FAM228B: variants seen among roughly 807,000 people sequenced by gnomAD.
The protein encoded by FAM228B is family with sequence similarity 228 member B.
A neutral mutation model predicts 42.6 loss-of-function variants in FAM228B; 38 were observed. That is an observed-to-expected ratio of 0.89 (90% confidence interval 0.69 to 1.17). The LOEUF (loss-of-function observed/expected upper bound fraction) is 1.17. Among genes scored for constraint, FAM228B ranks in the 50% most tolerant of loss-of-function variants. FAM228B has a pLI of 0.00. For missense variants in FAM228B, 344 were observed against 367.3 expected (o/e 0.94, Z 0.52); for synonymous variants, 109 against 122.3 (o/e 0.89, Z 0.72).
At chr2:24,094,029 C>CTTTT (rs57620033) in intron 2 of FAM228B, among the ~76,000 whole-genome samples, 3 of 77,396 alleles carry the variant, frequency 3.9e-5, no homozygotes, top group African/African-American at 5.0e-5. Flanking sequence ...TCGCCACATA[C>CTTTT]TTTTTTTTTT....
intron 7 of FAM228B, among the ~76,000 whole-genome samples, chr2:24,156,350 T>C (rs1180557136): frequency 6.6e-6 from 1 of 152,112 alleles, no homozygotes; most frequent in African/African-American, 2.4e-5. Context: ...TTGCCCCTTC[T>C]GGCCAGGCGT....
intron 3 of FAM228B, among the ~76,000 whole-genome samples, chr2:24,135,691 G>A (rs1666564651): frequency 6.6e-6 from 1 of 152,166 alleles, no homozygotes; most frequent in Admixed American, 6.5e-5. Context: ...GGGAATGGCT[G>A]AAGTGTGCTA....
At chr2:24,133,760 TTGAC>T (rs547445970) in intron 2 of FAM228B, among the ~76,000 whole-genome samples, 25 of 152,264 alleles carry the variant, frequency 1.6e-4, no homozygotes, top group Admixed American at 1.5e-3. Flanking sequence ...AAAATAGGAT[TTGAC>T]TGGGCATGAT....
chr2:24,081,106 A>T, intron 2 of FAM228B: 1 of 1,234,984 alleles, frequency 8.1e-7, no homozygotes, highest in South Asian at 1.6e-5. Context: ...TTCTATCAAG[A>T]TCACCTGGCC....
intron 3 of FAM228B, among the ~76,000 whole-genome samples, chr2:24,135,890 T>C (rs1666568720): frequency 6.6e-6 from 1 of 151,774 alleles, no homozygotes; most frequent in Admixed American, 6.6e-5. Context: ...CTTTGCAGGC[T>C]ACTTGCCACT....
intron 2 of FAM228B, among the ~76,000 whole-genome samples, chr2:24,088,751 C>T (rs541770165): frequency 6.6e-6 from 1 of 152,320 alleles, no homozygotes; most frequent in Admixed American, 6.5e-5. Context: ...TCATGAGAAT[C>T]CCTGATTTAT....
At chr2:24,130,382 G>A (rs1197862671) in intron 2 of FAM228B, among the ~76,000 whole-genome samples, 2 of 152,138 alleles carry the variant, frequency 1.3e-5, no homozygotes, top group African/African-American at 2.4e-5. Flanking sequence ...TTGAGGAATC[G>A]CCACACTGTC....
At chr2:24,091,519 A>G (rs1401864816) in intron 2 of FAM228B, among the ~76,000 whole-genome samples, 1 of 152,254 alleles carries the variant, frequency 6.6e-6, no homozygotes, top group African/African-American at 2.4e-5. Context: ...TTTGTTTGAG[A>G]TAATGAGATA....
chr2:24,112,890 T>C (rs1665820954), intron 3 of FAM228B, among the ~76,000 whole-genome samples: 1 of 152,182 alleles, frequency 6.6e-6, no homozygotes, highest in Non-Finnish European at 1.5e-5. Flanking sequence ...ACTCTGTGCC[T>C]TGGCATTTGG....
chr2:24,126,130 T>G (rs1193875239), intron 2 of FAM228B, among the ~76,000 whole-genome samples: 3 of 152,226 alleles, frequency 2.0e-5, no homozygotes, highest in African/African-American at 7.2e-5. Flanking sequence ...GTTATGAACA[T>G]TCATGTGTGT....
At chr2:24,092,176 A>G (rs1007531824) in intron 2 of FAM228B, among the ~76,000 whole-genome samples, 2 of 143,018 alleles carry the variant, frequency 1.4e-5, no homozygotes, top group African/African-American at 2.6e-5. Context: ...CATTGATCAT[A>G]CCACTGCACT....
intron 2 of FAM228B, among the ~76,000 whole-genome samples, chr2:24,132,345 A>G (rs971224695): frequency 2.8e-4 from 43 of 152,094 alleles, no homozygotes; most frequent in Admixed American, 7.9e-4. Flanking sequence ...GCCTCATACA[A>G]TGAGTTAGGG....
At chr2:24,106,685 T>C (rs1185672407) in intron 3 of FAM228B, among the ~76,000 whole-genome samples, 1 of 152,114 alleles carries the variant, frequency 6.6e-6, no homozygotes, top group Non-Finnish European at 1.5e-5. Flanking sequence ...CTAAGCTTCA[T>C]ATGTGAAGGA....
chr2:24,079,433 T>C (rs1664900660), intron 1 of FAM228B: 1 of 1,612,072 alleles, frequency 6.2e-7, no homozygotes, highest in Non-Finnish European at 8.5e-7. Context: ...TTCTTTTCAT[T>C]CATCACTCAC....
At chr2:24,120,330 G>A (rs951936809), upstream of FAM228B, among the ~76,000 whole-genome samples, 5 of 152,024 alleles carry the variant, frequency 3.3e-5, no homozygotes, top group Admixed American at 6.6e-5. Context: ...TGGAAAGGTC[G>A]TACATTTTGG....
chr2:24,126,573 T>C (rs1666313555), intron 2 of FAM228B, among the ~76,000 whole-genome samples: 1 of 152,128 alleles, frequency 6.6e-6, no homozygotes, highest in Non-Finnish European at 1.5e-5. Flanking sequence ...GTTGGACTCT[T>C]CCTATTGAGA....
chr2:24,114,911 CTT>C (rs1181378612), intron 3 of FAM228B, among the ~76,000 whole-genome samples: 3 of 152,146 alleles, frequency 2.0e-5, no homozygotes, highest in Non-Finnish European at 4.4e-5. Context: ...AGTCAGAAAT[CTT>C]TTTGAGTTGA....
chr2:24,144,764 CT>C (rs1666854718), intron 5 of FAM228B, among the ~76,000 whole-genome samples: 2 of 152,150 alleles, frequency 1.3e-5, no homozygotes. Flanking sequence ...GAAACATACA[CT>C]CCCTAACTGC....
intron 2 of FAM228B, among the ~76,000 whole-genome samples, chr2:24,130,880 T>C (rs959774611): frequency 2.0e-5 from 3 of 152,046 alleles, no homozygotes; most frequent in African/African-American, 7.2e-5. Context: ...GCCCATGCCC[T>C]GAATGTTATT....
Sources: gnomAD v4.1 joint callset for allele counts (sites outside exome capture counted in the v4.1 genomes callset) on GRCh38, gnomAD v4.1.1 for gene constraint, MANE v1.5 for transcripts, NCBI Gene and HGNC (gene_info 2026-07-23, HGNC 2026-07-21) for gene names.